The following ME3 variants were observed in gnomAD, a reference collection of about 807,000 sequenced individuals.
The protein encoded by ME3 is malic enzyme 3, also known as NADP-dependent malic enzyme, mitochondrial.
ME3 carries 48 observed loss-of-function variants against 68.9 expected under a neutral mutation model. That is an observed-to-expected ratio of 0.70 (90% CI 0.55 to 0.89). The LOEUF is 0.89. ME3 is among the 40% of genes least tolerant of loss of function. The probability of loss-of-function intolerance (pLI) is 0.00; values close to 1 mark genes in which losing one functional copy is unlikely to be tolerated. For synonymous variants in ME3, 320 were observed against 318.8 expected (o/e 1.00, Z -0.04); for missense variants, 675 against 797.4 (o/e 0.85, Z 1.85).
intron 9 of ME3, 136 bp downstream of exon 9, chr11:86,450,165 G>A: frequency 1.0e-6 from 1 of 996,652 alleles, no homozygotes; most frequent in Non-Finnish European, 1.5e-6. Flanking sequence ...TCAGAGCCTA[G>A]GCAGCTGCAA....
chr11:86,551,643 C>A (rs1298713431), intron 4 of ME3, among the ~76,000 whole-genome samples: 1 of 152,128 alleles, frequency 6.6e-6, no homozygotes, highest in East Asian at 1.9e-4. Context: ...TAGGGCTCAA[C>A]AATAATGCAC....
intron 7 of ME3, among the ~76,000 whole-genome samples, chr11:86,468,445 C>G (rs1038503233): frequency 1.3e-5 from 2 of 152,180 alleles, no homozygotes; most frequent in African/African-American, 4.8e-5. Flanking sequence ...ATTTATCCAT[C>G]CATCCATTCA....
chr11:86,475,298 C>T (rs1041290626), intron 7 of ME3, among the ~76,000 whole-genome samples: 3 of 152,122 alleles, frequency 2.0e-5, no homozygotes, highest in African/African-American at 7.2e-5. Context: ...CTTTTGCTCT[C>T]CTGTTCCTGT....
At chr11:86,628,430 T>C (rs1943800092) in intron 2 of ME3, among the ~76,000 whole-genome samples, 1 of 152,248 alleles carries the variant, frequency 6.6e-6, no homozygotes, top group Non-Finnish European at 1.5e-5. Context: ...TGGCTGCATA[T>C]TCGTGTTACT....
In ME3 at chr11:86,519,623, G is replaced by A. The variant is rs72953612; in HGVS notation, c.468-10756C>T. Among the ~76,000 whole-genome samples, 555 of 152,308 alleles carry A rather than the reference G, an allele frequency of 3.6e-3. 4 individuals are homozygous for A. The highest frequency in any genetic ancestry group is 6.4e-3 in the Non-Finnish European group (437 of 68,034). ...GCACTTTCAACTCTAACAAAGGCTC[G>A]CTGTTGCCAATGGAACCACCATTCC... On this transcript the variant is annotated intron_variant, in intron 4 of 14. Transcript: ENST00000543262.
chr11:86,554,223 A>G (rs1956824189), intron 4 of ME3, among the ~76,000 whole-genome samples: 1 of 152,156 alleles, frequency 6.6e-6, no homozygotes, highest in Non-Finnish European at 1.5e-5. Context: ...TAGTTTCCAT[A>G]AGAGCATATG....
intron 2 of ME3, among the ~76,000 whole-genome samples, chr11:86,660,288 G>C (rs1451830617): frequency 6.6e-6 from 1 of 152,078 alleles, no homozygotes; most frequent in African/African-American, 2.4e-5. Flanking sequence ...GCTTTCAGGG[G>C]GCATGTACCA....
chr11:86,599,118 TG>T (rs1173169659), intron 2 of ME3, among the ~76,000 whole-genome samples: 1 of 152,182 alleles, frequency 6.6e-6, no homozygotes, highest in Non-Finnish European at 1.5e-5. Context: ...TTTGACGAGT[TG>T]AGAGAAGAAG....
intron 2 of ME3, among the ~76,000 whole-genome samples, chr11:86,648,488 A>G (rs1945182168): frequency 6.9e-6 from 1 of 145,954 alleles, no homozygotes; most frequent in Non-Finnish European, 1.5e-5. Context: ...AACAGAACTG[A>G]AGGAGATAGA....
chr11:86,569,977 G>A (rs1957698360), intron 2 of ME3, among the ~76,000 whole-genome samples: 1 of 152,134 alleles, frequency 6.6e-6, no homozygotes. Flanking sequence ...TTTACCTACA[G>A]AGCCAGGTAT....
chr11:86,450,151 A>G, intron 9 of ME3, 149 bp from the exon 10 acceptor site: 6 of 971,120 alleles, frequency 6.2e-6, no homozygotes, highest in Non-Finnish European at 9.4e-6. Flanking sequence ...GAGACACCCA[A>G]TTGTCAGAGC....
chr11:86,474,465 A>T (rs1397905361), intron 7 of ME3, among the ~76,000 whole-genome samples: 4 of 152,084 alleles, frequency 2.6e-5, no homozygotes, highest in Non-Finnish European at 1.5e-5. Flanking sequence ...CTGACCTCTC[A>T]ACCTCCCAAA....
At chr11:86,647,826 C>A (rs1945128789) in intron 2 of ME3, among the ~76,000 whole-genome samples, 1 of 152,176 alleles carries the variant, frequency 6.6e-6, no homozygotes, top group African/African-American at 2.4e-5. Context: ...TAACACCCCA[C>A]TGTCAATATT....
At chr11:86,596,113 G>C (rs1351238813) in intron 2 of ME3, among the ~76,000 whole-genome samples, 1 of 152,204 alleles carries the variant, frequency 6.6e-6, no homozygotes, top group East Asian at 1.9e-4. Flanking sequence ...AGACTGCTTT[G>C]ATAGTTCCCT....
At chr11:86,621,385 A>G (rs1237372924) in intron 2 of ME3, among the ~76,000 whole-genome samples, 2 of 150,626 alleles carry the variant, frequency 1.3e-5, no homozygotes, top group African/African-American at 5.0e-5. Context: ...TTTGCTCCTC[A>G]GTCTTGGCTA....
intron 2 of ME3, among the ~76,000 whole-genome samples, chr11:86,638,644 G>A (rs982056254): frequency 2.6e-5 from 4 of 152,156 alleles, no homozygotes; most frequent in South Asian, 4.2e-4. Context: ...ATTTACTGGG[G>A]GCCTACAATG....
chr11:86,580,600 T>C (rs886575794), intron 2 of ME3, among the ~76,000 whole-genome samples: 4 of 152,190 alleles, frequency 2.6e-5, no homozygotes, highest in African/African-American at 9.7e-5. Context: ...CAAATACTCT[T>C]GTGGTAGGTA....
At chr11:86,556,555 G>C in exon 4 of ME3, 1 of 1,613,514 alleles carries the variant, frequency 6.2e-7, no homozygotes, top group Non-Finnish European at 8.5e-7. Context: ...GGGCTCACCG[G>C]GGCCTGCGGA....
At chr11:86,502,943 C>CTACAAGTATGTATG (rs1952821966) in intron 5 of ME3, among the ~76,000 whole-genome samples, 2 of 152,166 alleles carry the variant, frequency 1.3e-5, no homozygotes, top group African/African-American at 4.8e-5. Context: ...GGACTTGTAG[C>CTACAAGTATGTATG]TATGGTCATA....
Sources: allele counts gnomAD v4.1 joint callset (sites outside exome capture counted in the v4.1 genomes callset), GRCh38; gene constraint gnomAD v4.1.1; transcripts MANE v1.5; gene names NCBI Gene and HGNC (gene_info 2026-07-23, HGNC 2026-07-21).